The following ARHGEF3 variants were observed in gnomAD, a reference collection of about 807,000 sequenced individuals.
The protein encoded by ARHGEF3 is Rho guanine nucleotide exchange factor 3.
ARHGEF3 carries 28 observed loss-of-function variants against 63.2 expected under a neutral mutation model. The ratio of observed to expected loss-of-function variants is 0.44; its 90% confidence interval spans 0.33 to 0.61. The LOEUF is 0.61. Ranked by LOEUF, ARHGEF3 falls within the 20% of genes least tolerant of loss-of-function variation. The pLI, the probability that ARHGEF3 is intolerant of heterozygous loss-of-function variation, is 0.03. For synonymous variants in ARHGEF3, 266 were observed against 254.2 expected (o/e 1.05, Z -0.44); for missense variants, 533 against 659.3 (o/e 0.81, Z 2.10).
intron 2 of ARHGEF3, among the ~76,000 whole-genome samples, chr3:57,015,148 C>G (rs548192115): frequency 6.6e-6 from 1 of 152,194 alleles, no homozygotes; most frequent in Non-Finnish European, 1.5e-5. Context: ...TATACAGCCA[C>G]GCTCATTCAC....
rs1216717076 is a variant in ARHGEF3 at position 56,950,735 on chromosome 3, T to G, written c.129+8088A>C. Among the ~76,000 whole-genome samples, 12 of 152,126 alleles carry G rather than the reference T, an allele frequency of 7.9e-5. No individual in the cohort carries two copies. The East Asian group carries it at 2.3e-3, about 29-fold the overall frequency. ...AGTCAGTGTGGCGATTCCTCAGGGA[T>G]CTAGAACTAGAAATACCATTTGACC... On this transcript the variant is annotated intron_variant, in intron 3 of 12. Transcript: ENST00000338458.
intron 2 of ARHGEF3, among the ~76,000 whole-genome samples, chr3:57,024,688 C>T (rs963714534): frequency 2.6e-5 from 4 of 152,102 alleles, no homozygotes; most frequent in African/African-American, 9.7e-5. Context: ...GGGGTTTCAC[C>T]ACGTCAGCCA....
intron 1 of ARHGEF3, among the ~76,000 whole-genome samples, chr3:57,056,793 A>G (rs986256866): frequency 1.3e-5 from 2 of 152,020 alleles, no homozygotes; most frequent in Admixed American, 1.3e-4. Context: ...AAGGTCCTCT[A>G]TGAGGTTGAT....
At chr3:56,729,803 G>A (rs1414035057) in intron 9 of ARHGEF3, among the ~76,000 whole-genome samples, 181 bp from the exon 10 acceptor site, 1 of 152,108 alleles carries the variant, frequency 6.6e-6, no homozygotes, top group Non-Finnish European at 1.5e-5. Context: ...AGGGAGATGG[G>A]ATTGACACAG....
chr3:56,895,464 AT>A (rs1375977449), intron 3 of ARHGEF3, among the ~76,000 whole-genome samples: 4 of 90,520 alleles, frequency 4.4e-5, no homozygotes, highest in African/African-American at 2.4e-4. Context: ...TTATTTATTT[AT>A]TTATTTATTT....
Position 57,020,093 on chromosome 3 carries a change from T to G in ARHGEF3, c.62+14995A>C, listed in dbSNP as rs150397173. ...TTGTATTTTTAGTAGAAACGGAGTTTCACCATGTTAGTCAGGCTGGTCTCA... is the reference window on the plus strand; with the variant it reads ...TTGTATTTTTAGTAGAAACGGAGTTGCACCATGTTAGTCAGGCTGGTCTCA... On this transcript the variant is annotated intron_variant, in intron 2 of 12. Transcript: ENST00000338458. Among the ~76,000 whole-genome samples the G allele has an allele frequency of 2.6e-3, 396 of 152,288 alleles. 2 individuals are homozygous for G. The highest frequency in any genetic ancestry group is 4.4e-3 in the Non-Finnish European group (302 of 68,028).
In ARHGEF3 at chr3:57,059,852, C is replaced by T. The variant is rs185905379; in HGVS notation, c.-28+19374G>A. On this transcript the variant is annotated intron_variant, in intron 1 of 12. Coordinates refer to the ARHGEF3 transcript ENST00000338458. Reference sequence around the variant, plus strand: ...TCTCTACTAAAAATACAAAAGTAGCCAGGCATGGTGGCACATGCCTGTAAT... The same window carrying T: ...TCTCTACTAAAAATACAAAAGTAGCTAGGCATGGTGGCACATGCCTGTAAT... 1.7e-3 allele frequency among the ~76,000 whole-genome samples: 260 copies of T among 152,018 alleles called. 4 individuals carry two copies. The highest frequency in any genetic ancestry group is 0.015 in the Admixed American group (226 of 15,266).
At chr3:56,996,887 ATTATTT>A (rs1197556311) in intron 2 of ARHGEF3, among the ~76,000 whole-genome samples, 1 of 102,570 alleles carries the variant, frequency 9.7e-6, no homozygotes, top group Non-Finnish European at 2.2e-5. Context: ...TATTATTATT[ATTATTT>A]TTTTTTTTTT....
intron 4 of ARHGEF3, among the ~76,000 whole-genome samples, chr3:56,846,775 T>C (rs1005688129): frequency 8.5e-5 from 13 of 152,198 alleles, no homozygotes; most frequent in Admixed American, 2.6e-4. Context: ...CAGGGTCTTG[T>C]GTCCTCTTCC....
intron 3 of ARHGEF3, chr3:56,958,687 A>G: frequency 2.2e-6 from 2 of 917,628 alleles, no homozygotes; most frequent in East Asian, 2.7e-5. Context: ...GACTTCCCCA[A>G]GTGGTAAAGC....
chr3:56,915,270 T>C (rs1407908793), intron 3 of ARHGEF3, among the ~76,000 whole-genome samples: 1 of 149,134 alleles, frequency 6.7e-6, no homozygotes, highest in Non-Finnish European at 1.5e-5. Flanking sequence ...AAGATGAGCC[T>C]GAGCAACATA....
intron 9 of ARHGEF3, among the ~76,000 whole-genome samples, chr3:56,730,727 C>T (rs760555871): frequency 2.0e-5 from 3 of 152,256 alleles, no homozygotes; most frequent in East Asian, 1.9e-4. Flanking sequence ...AAGGGCCCTG[C>T]GTGCCACATG....
intron 2 of ARHGEF3, among the ~76,000 whole-genome samples, chr3:56,983,250 TAA>T: frequency 6.6e-6 from 1 of 152,152 alleles, no homozygotes; most frequent in East Asian, 1.9e-4. Context: ...TTCAATATTT[TAA>T]AAAATCTCAT....
intron 2 of ARHGEF3, among the ~76,000 whole-genome samples, chr3:57,002,498 T>TTATATATA (rs1553802543): frequency 7.4e-5 from 1 of 13,494 alleles, no homozygotes; most frequent in Non-Finnish European, 1.5e-4. Flanking sequence ...TATATATATG[T>TTATATATA]TATATATATA....
intron 1 of ARHGEF3, among the ~76,000 whole-genome samples, chr3:56,798,139 A>G (rs2037463085): frequency 6.6e-6 from 1 of 152,218 alleles, no homozygotes; most frequent in Non-Finnish European, 1.5e-5. Flanking sequence ...TTCTAGGTGC[A>G]TGTCATTATT....
chr3:57,035,349 T>C (rs1252075075), intron 1 of ARHGEF3, among the ~76,000 whole-genome samples: 2 of 152,168 alleles, frequency 1.3e-5, no homozygotes, highest in Non-Finnish European at 2.9e-5. Context: ...TACAACATTT[T>C]CTTTTCTTTT....
intron 2 of ARHGEF3, among the ~76,000 whole-genome samples, chr3:56,985,844 TG>T (rs1179212630): frequency 3.3e-5 from 5 of 152,002 alleles, no homozygotes; most frequent in African/African-American, 9.7e-5. Context: ...CAGGTGGGGC[TG>T]GGGGTGGGCA....
chr3:56,745,964 A>G (rs182321211), intron 6 of ARHGEF3, among the ~76,000 whole-genome samples: 1 of 152,284 alleles, frequency 6.6e-6, no homozygotes, highest in East Asian at 1.9e-4. Context: ...AGCCTGTACA[A>G]TACTATGTAA....
chr3:56,833,144 T>C (rs761751721), intron 4 of ARHGEF3, among the ~76,000 whole-genome samples: 1 of 152,196 alleles, frequency 6.6e-6, no homozygotes, highest in Non-Finnish European at 1.5e-5. Context: ...TAACACTATA[T>C]TTAACTTTTT....
Sources: gnomAD v4.1 joint callset for allele counts (sites outside exome capture counted in the v4.1 genomes callset) on GRCh38, gnomAD v4.1.1 for gene constraint, MANE v1.5 for transcripts, NCBI Gene and HGNC (gene_info 2026-07-23, HGNC 2026-07-21) for gene names.